INPP5F: variants seen among roughly 807,000 people sequenced by gnomAD.
INPP5F encodes the protein phosphatidylinositide 4-phosphatase SAC2.
A neutral mutation model predicts 137.2 loss-of-function variants in INPP5F; 97 were observed. That is an observed-to-expected ratio of 0.71 (90% confidence interval 0.60 to 0.84). INPP5F has a LOEUF of 0.84. INPP5F is among the 40% of genes least tolerant of loss of function. The probability of loss-of-function intolerance (pLI) is 0.00; values close to 1 mark genes in which losing one functional copy is unlikely to be tolerated. For missense variants in INPP5F, 1,271 were observed against 1,371.9 expected (o/e 0.93, Z 1.16); for synonymous variants, 504 against 476.9 (o/e 1.06, Z -0.74).
chr10:119,807,926 T>C lies in INPP5F; in HGVS notation c.1441-6T>C, dbSNP rs1245740957. On this transcript the variant is annotated splice_polypyrimidine_tract_variant and splice_region_variant and intron_variant, in intron 12 of 19. Coordinates refer to ENST00000650623, the MANE Select transcript of INPP5F (RefSeq NM_014937.4). ...TACAGTTAATCCACCAATGTGTTCA[T>C]TTTAGCTGAAAAAATTAGGTGTGAT... 5.6e-6 allele frequency: 9 copies of C among 1,607,488 alleles called. No homozygotes were observed. The highest frequency in any genetic ancestry group is 7.6e-6 in the Non-Finnish European group (9 of 1,177,066).
At chr10:119,770,278 A>G (rs1226563268) in intron 2 of INPP5F, among the ~76,000 whole-genome samples, 1 of 151,890 alleles carries the variant, frequency 6.6e-6, no homozygotes, top group Non-Finnish European at 1.5e-5. Flanking sequence ...GCTAGATTCT[A>G]TTTTTTTTAT....
chr10:119,732,594 G>A (rs1409789740), intron 1 of INPP5F, among the ~76,000 whole-genome samples: 1 of 146,888 alleles, frequency 6.8e-6, no homozygotes, highest in Non-Finnish European at 1.5e-5. Context: ...CTGCCTCCCG[G>A]GTTCAAGCAG....
intron 2 of INPP5F, among the ~76,000 whole-genome samples, chr10:119,758,286 A>G (rs1848909490): frequency 6.6e-6 from 1 of 152,320 alleles, no homozygotes; most frequent in African/African-American, 2.4e-5. Context: ...GATGGAAAGC[A>G]TCTCACACGG....
At chr10:119,791,824 C>T in intron 4 of INPP5F, 45 bp from the exon 5 acceptor site, 1 of 1,493,550 alleles carries the variant, frequency 6.7e-7, no homozygotes, top group South Asian at 1.3e-5. Context: ...CCCCAGACTA[C>T]TTTACATTTA....
chr10:119,813,284 C>CT (rs1404249859), intron 15 of INPP5F, among the ~76,000 whole-genome samples: 1 of 152,094 alleles, frequency 6.6e-6, no homozygotes, highest in Non-Finnish European at 1.5e-5. Context: ...GGTAAGGATG[C>CT]TTTAAGAGTC....
At chr10:119,785,769 G>T (rs971574345) in intron 3 of INPP5F, among the ~76,000 whole-genome samples, 1 of 152,052 alleles carries the variant, frequency 6.6e-6, no homozygotes, top group Non-Finnish European at 1.5e-5. Flanking sequence ...TGAGGCAGGA[G>T]GATTACTTGA....
rs569865926 is a variant in INPP5F at position 119,748,495 on chromosome 10, A to G, written c.98-2581A>G. ...GTCCCGTGTCCAGGAAGAATGAGGT[A>G]TGCAAGGTATGTGGACAACTGGAGG... On this transcript the variant is annotated intron_variant, in intron 1 of 19. Transcript: ENST00000650623. The surrounding 1 kb of genome is among the most constrained non-coding windows in gnomAD (Gnocchi z 4.7). Among the ~76,000 whole-genome samples the G allele has an allele frequency of 2.0e-5, 3 of 152,142 alleles. No homozygotes were observed. The highest frequency in any genetic ancestry group is 1.9e-4 in the East Asian group (1 of 5,176).
chr10:119,743,337 C>T (rs1848431863), intron 1 of INPP5F, among the ~76,000 whole-genome samples: 1 of 152,204 alleles, frequency 6.6e-6, no homozygotes, highest in Middle Eastern at 3.4e-3. Context: ...AACAGAAGCT[C>T]GAGGAGACAA....
intron 6 of INPP5F, among the ~76,000 whole-genome samples, chr10:119,796,301 G>A (rs1190525824): frequency 6.6e-6 from 1 of 152,144 alleles, no homozygotes; most frequent in East Asian, 1.9e-4. Flanking sequence ...ATACAATTGG[G>A]AGTTGAGAAT....
Position 119,811,847 on chromosome 10 carries a change from G to C in INPP5F, c.1778G>C (p.Arg593Thr). ...EHEALHKENQ[R>T]SHQELISQLL... ...GAAGCTTTGCATAAGGAAAATCAGA[G>C]AAGCCACCAGGAACTAATTAGCCAG... Residue 593 changes from arginine to threonine, a missense_variant, in exon 15 of 20, where the codon AGA becomes ACA. By Grantham distance (71) the Arg-to-Thr change is moderately conservative (BLOSUM62 -1). This residue lies in a region of INPP5F where 593 missense variants were observed against 712.4 expected (regional missense o/e 0.83). Transcript: ENST00000650623. The C allele has an allele frequency of 6.2e-7, 1 of 1,614,048 alleles. No individual in the cohort carries two copies. The highest frequency in any genetic ancestry group is 1.3e-5 in the African/African-American group (1 of 75,026).
At chr10:119,730,912 C>G (rs958236131) in intron 1 of INPP5F, among the ~76,000 whole-genome samples, 1 of 151,918 alleles carries the variant, frequency 6.6e-6, no homozygotes, top group Non-Finnish European at 1.5e-5. Context: ...CTCAGCCTCC[C>G]GAGTAGCTGG....
At chr10:119,817,595 T>G (rs540459426) in intron 15 of INPP5F, among the ~76,000 whole-genome samples, 1 of 152,182 alleles carries the variant, frequency 6.6e-6, no homozygotes, top group Non-Finnish European at 1.5e-5. Flanking sequence ...TGACAAACGA[T>G]GTTAAGGATT....
intron 3 of INPP5F, among the ~76,000 whole-genome samples, chr10:119,783,994 T>C (rs979301683): frequency 6.6e-6 from 1 of 152,222 alleles, no homozygotes; most frequent in Non-Finnish European, 1.5e-5. Flanking sequence ...TTTTAGAAAT[T>C]TACACTTTTG....
intron 2 of INPP5F, among the ~76,000 whole-genome samples, chr10:119,769,290 A>G (rs1342093950): frequency 6.6e-6 from 1 of 152,018 alleles, no homozygotes; most frequent in Non-Finnish European, 1.5e-5. Context: ...TAATTTTAAA[A>G]ATTTTATTTA....
At position 119,766,412 on chromosome 10, in the gene INPP5F, A is replaced by G. The variant is rs1849166655; in HGVS notation, c.179-15223A>G. ...TTTCATACACTTTAAAAACGAGATC[A>G]AGAAAACTAGTCAGAGGTTCTGTTT... On this transcript the variant is annotated intron_variant, in intron 2 of 19. Coordinates refer to ENST00000650623, the MANE Select transcript of INPP5F (RefSeq NM_014937.4). Among the ~76,000 whole-genome samples the G allele has an allele frequency of 2.0e-5, 3 of 152,204 alleles. No homozygotes were observed. The South Asian group carries it at 6.2e-4, about 32-fold the overall frequency.
intron 2 of INPP5F, among the ~76,000 whole-genome samples, chr10:119,772,038 C>T (rs1386754268): frequency 1.1e-4 from 16 of 150,104 alleles, no homozygotes; most frequent in African/African-American, 3.7e-4. Context: ...GCTGGGACTA[C>T]GGGTGCCCGC....
intron 2 of INPP5F, among the ~76,000 whole-genome samples, chr10:119,766,961 C>T (rs1937988090): frequency 6.6e-6 from 1 of 151,628 alleles, no homozygotes; most frequent in Non-Finnish European, 1.5e-5. Context: ...GAAAATTAGC[C>T]AGGCGTGGTG....
chr10:119,802,846 T>C (rs1267093581), intron 9 of INPP5F, among the ~76,000 whole-genome samples: 1 of 152,210 alleles, frequency 6.6e-6, no homozygotes. Flanking sequence ...CTAGTGCCCA[T>C]TTCCTCACAT....
intron 2 of INPP5F, among the ~76,000 whole-genome samples, chr10:119,764,186 C>G (rs902775892): frequency 6.6e-6 from 1 of 152,218 alleles, no homozygotes; most frequent in East Asian, 1.9e-4. Flanking sequence ...CCTCCAAACT[C>G]TTTCAGCCTC....
Sources: allele counts gnomAD v4.1 joint callset (sites outside exome capture counted in the v4.1 genomes callset), GRCh38; gene constraint gnomAD v4.1.1; regional missense constraint gnomAD v4.1.1; non-coding constraint Gnocchi (gnomAD v3.1); transcripts MANE v1.5; gene names NCBI Gene and HGNC (gene_info 2026-07-23, HGNC 2026-07-21).